Variants in NTNG1 observed in about 807,000 individuals in gnomAD.
NTNG1 encodes the protein netrin-G1.
In NTNG1, 16 loss-of-function variants were observed where a neutral mutation model predicts 54.0. The observed-to-expected ratio is 0.30, with a 90% CI of 0.20 to 0.45. The LOEUF (loss-of-function observed/expected upper bound fraction) is 0.45. NTNG1 is among the 20% of genes least tolerant of loss of function. The pLI is 1.00. For synonymous variants in NTNG1, 255 were observed against 263.1 expected, an observed-to-expected ratio of 0.97 and a Z score of 0.30; for missense variants, 530 against 678.7, an observed-to-expected ratio of 0.78 and a Z score of 2.43.
chr1:107,197,873 A>C (rs1157078614), intron 2 of NTNG1, among the ~76,000 whole-genome samples: 1 of 152,056 alleles, frequency 6.6e-6, no homozygotes, highest in Non-Finnish European at 1.5e-5. Flanking sequence ...TTTAAATCAT[A>C]AGCTCATCTC....
At chr1:107,281,165 A>G (rs1222700428) in intron 2 of NTNG1, among the ~76,000 whole-genome samples, 1 of 151,996 alleles carries the variant, frequency 6.6e-6, no homozygotes, top group South Asian at 2.1e-4. Context: ...TTTCTCCCAT[A>G]AATGTGTTGA....
At position 107,482,741 on chromosome 1, in the gene NTNG1, G is replaced by T. The variant is rs143392348; in HGVS notation, c.*1901G>T. 2.6e-5 allele frequency: 4 copies of T among 152,198 alleles called. No homozygotes were observed. The highest frequency in any genetic ancestry group is 7.2e-5 in the African/African-American group (3 of 41,424). The allele number at this position is 152,198 out of a possible 1,614,324, so 9.4% of individuals were successfully genotyped here. The stretch of plus-strand genomic sequence containing the variant: ...GCCACTCCTTGCTGAAACAGGGAAG[G>T]GGGGAGGAATGTCTCCTGATAAATA... On this transcript the variant is annotated 3_prime_UTR_variant, in exon 8 of 8. Transcript: ENST00000370068.
intron 2 of NTNG1, among the ~76,000 whole-genome samples, chr1:107,249,956 A>T (rs574495256): frequency 1.3e-5 from 2 of 152,202 alleles, no homozygotes; most frequent in African/African-American, 4.8e-5. Context: ...TTGTAAGTCA[A>T]TTCATTCCAG....
At chr1:107,201,301 T>G (rs1195431776) in intron 2 of NTNG1, among the ~76,000 whole-genome samples, 1 of 151,770 alleles carries the variant, frequency 6.6e-6, no homozygotes, top group African/African-American at 2.4e-5. Flanking sequence ...GTCCCTGAAT[T>G]TGTCTCCTGA....
At chr1:107,327,170 T>C (rs1048717727) in intron 3 of NTNG1, among the ~76,000 whole-genome samples, 2 of 152,162 alleles carry the variant, frequency 1.3e-5, no homozygotes, top group African/African-American at 4.8e-5. Context: ...TAAGGTCTTC[T>C]TCTGTCACCT....
intron 3 of NTNG1, among the ~76,000 whole-genome samples, chr1:107,390,603 T>A (rs919786613): frequency 1.3e-5 from 2 of 152,190 alleles, no homozygotes; most frequent in Non-Finnish European, 2.9e-5. Flanking sequence ...TCAACACACA[T>A]CATGGAGTGT....
intron 3 of NTNG1, among the ~76,000 whole-genome samples, chr1:107,386,257 C>T (rs776677888): frequency 6.6e-6 from 1 of 151,232 alleles, no homozygotes; most frequent in South Asian, 2.1e-4. Flanking sequence ...GCAGCCTACA[C>T]CTCTTGGATT....
intron 3 of NTNG1, among the ~76,000 whole-genome samples, chr1:107,359,311 A>G (rs1011260750): frequency 2.0e-5 from 3 of 152,216 alleles, no homozygotes; most frequent in Non-Finnish European, 4.4e-5. Flanking sequence ...GCAATACAGC[A>G]TGGTCATTGA....
chr1:107,191,767 G>A (rs1158563955), intron 2 of NTNG1, among the ~76,000 whole-genome samples: 1 of 151,600 alleles, frequency 6.6e-6, no homozygotes, highest in African/African-American at 2.4e-5. Flanking sequence ...TGAGGGCTCT[G>A]TTCTGTTCCA....
rs1553232701 is a variant in NTNG1 at position 107,361,374 on chromosome 1, C to CATATATATATATAT, written c.888-33775_888-33762dup. 3.5e-4 allele frequency among the ~76,000 whole-genome samples: 31 copies of CATATATATATATAT among 87,956 alleles called. No homozygotes were observed. In the South Asian group the frequency reaches 6.0e-3, roughly 17 times the overall value. The allele number at this position is 87,956 out of a possible 152,430, so 57.7% of individuals were successfully genotyped here. A position where few individuals can be genotyped will look rare whatever the true frequency, so the allele number is the denominator to read the frequency against. ...ACATTATATAACATATATATATATA[C>CATATATATATATAT]ATATATATATATATATATTTTTTTT... On this transcript the variant is annotated intron_variant, in intron 3 of 7. Coordinates refer to ENST00000370068, the MANE Select transcript of NTNG1 (RefSeq NM_001113226.3).
chr1:107,235,541 C>G (rs1661348354), intron 2 of NTNG1, among the ~76,000 whole-genome samples: 2 of 152,134 alleles, frequency 1.3e-5, no homozygotes, highest in African/African-American at 4.8e-5. Flanking sequence ...TGGGCTTTAC[C>G]TTCAGGAGCT....
intron 3 of NTNG1, among the ~76,000 whole-genome samples, chr1:107,358,768 T>C (rs1235333436): frequency 6.6e-6 from 1 of 152,070 alleles, no homozygotes; most frequent in Non-Finnish European, 1.5e-5. Context: ...CTTCAGACAT[T>C]ACAAACATGC....
At chr1:107,404,351 G>A (rs1372230810) in intron 4 of NTNG1, among the ~76,000 whole-genome samples, 1 of 152,068 alleles carries the variant, frequency 6.6e-6, no homozygotes, top group African/African-American at 2.4e-5. Flanking sequence ...GAGTTTCATG[G>A]AAGGCAAAGT....
chr1:107,307,773 T>TA (rs1666774631), intron 2 of NTNG1, among the ~76,000 whole-genome samples: 2 of 152,202 alleles, frequency 1.3e-5, no homozygotes, highest in Admixed American at 1.3e-4. Context: ...CTCCTATTTT[T>TA]ACTGGTTTCT....
intron 3 of NTNG1, among the ~76,000 whole-genome samples, chr1:107,363,557 C>G (rs1281692767): frequency 1.3e-5 from 2 of 151,962 alleles, no homozygotes; most frequent in African/African-American, 4.8e-5. Flanking sequence ...TATTATTTCC[C>G]CCAATAAAAA....
intron 2 of NTNG1, among the ~76,000 whole-genome samples, chr1:107,204,773 A>T (rs1184974436): frequency 6.6e-6 from 1 of 152,046 alleles, no homozygotes; most frequent in Non-Finnish European, 1.5e-5. Flanking sequence ...CTTGAATCTG[A>T]CTGTTTCCCT....
chr1:107,284,771 G>A (rs1233701065), intron 2 of NTNG1, among the ~76,000 whole-genome samples: 1 of 152,004 alleles, frequency 6.6e-6, no homozygotes, highest in Non-Finnish European at 1.5e-5. Context: ...CTCCATTACA[G>A]TATTTTGCAT....
At chr1:107,259,416 G>A (rs902789637) in intron 2 of NTNG1, among the ~76,000 whole-genome samples, 21 of 152,084 alleles carry the variant, frequency 1.4e-4, no homozygotes, top group Non-Finnish European at 2.1e-4. Flanking sequence ...CATGTGTAAG[G>A]CATGAAATGT....
At chr1:107,435,932 T>C (rs1460404608) in intron 6 of NTNG1, among the ~76,000 whole-genome samples, 1 of 152,190 alleles carries the variant, frequency 6.6e-6, no homozygotes, top group Non-Finnish European at 1.5e-5. Flanking sequence ...TAAGAATGTG[T>C]GAGGAATCAA....
Sources: gnomAD v4.1 joint callset for allele counts (sites outside exome capture counted in the v4.1 genomes callset) on GRCh38, gnomAD v4.1.1 for gene constraint, MANE v1.5 for transcripts, NCBI Gene and HGNC (gene_info 2026-07-23, HGNC 2026-07-21) for gene names.